The following EIF2AK1 variants were observed in gnomAD, a reference collection of about 807,000 sequenced individuals.
EIF2AK1 encodes the protein eukaryotic translation initiation factor 2-alpha kinase 1.
A neutral mutation model predicts 77.9 loss-of-function variants in EIF2AK1; 54 were observed. That is an observed-to-expected ratio of 0.69 (90% CI 0.56 to 0.87). The LOEUF (loss-of-function observed/expected upper bound fraction) is 0.87, where lower values mean the gene tolerates loss of function less well. EIF2AK1 is among the 40% of genes least tolerant of loss of function. The pLI is 0.00. For synonymous variants in EIF2AK1, 314 were observed against 290.5 expected (o/e 1.08, Z -0.82); for missense variants, 810 against 768.6 (o/e 1.05, Z -0.64).
intron 2 of EIF2AK1, among the ~76,000 whole-genome samples, chr7:6,052,543 A>G (rs1310155922): frequency 2.0e-5 from 3 of 150,538 alleles, no homozygotes; most frequent in South Asian, 4.2e-4. Context: ...ATTCAGTTTT[A>G]AGACCACATA....
intron 10 of EIF2AK1, 58 bp from the exon 11 acceptor site, chr7:6,037,582 T>C: frequency 9.9e-7 from 1 of 1,008,000 alleles, no homozygotes; most frequent in Non-Finnish European, 1.5e-6. Context: ...TACATGGGCA[T>C]CTAAATATTA....
At chr7:6,026,396 G>C (rs1235590173) in intron 14 of EIF2AK1, 3 of 519,088 alleles carry the variant, frequency 5.8e-6, no homozygotes, top group Non-Finnish European at 1.1e-5. Flanking sequence ...GCCTTTCCGG[G>C]AAGGAGTCTC....
chr7:6,031,368 T>G, intron 11 of EIF2AK1: 1 of 1,550,150 alleles, frequency 6.5e-7, no homozygotes, highest in South Asian at 1.2e-5. Context: ...AAGTCTTAAG[T>G]TTTTCTCATG....
rs1230422324 is a variant in EIF2AK1, at chr7:6,024,535, G to A, written c.*138C>T. 12 of 1,467,854 alleles carry A rather than the reference G, an allele frequency of 8.2e-6. No individual in the cohort carries two copies. In the East Asian group the frequency reaches 1.3e-4, roughly 15 times the overall value. The allele number at this position is 1,467,854 out of a possible 1,614,324, so 90.9% of individuals were successfully genotyped here. A position where few individuals can be genotyped will look rare whatever the true frequency, so the allele number is the denominator to read the frequency against. ...CTTGTGGGGCAGGAAGGGAAGGAAC[G>A]GCAGCTTGGGGCACTCTGACATCTT... On this transcript the variant is annotated 3_prime_UTR_variant, in exon 15 of 15. Coordinates refer to ENST00000199389, the MANE Select transcript of EIF2AK1 (RefSeq NM_014413.4).
chr7:6,059,103 G>A lies in EIF2AK1; in HGVS notation c.-20C>T, dbSNP rs929555104. ...CTGCATCGCCGGCCGCGCGCGGGCC[G>A]CAGCCCAGCCCGCCGGCCAGCCCAG... On this transcript the variant is annotated 5_prime_UTR_variant, in exon 1 of 15. Transcript: ENST00000199389. 22 of 1,357,564 alleles carry A rather than the reference G, an allele frequency of 1.6e-5. No individual in the cohort carries two copies. Among genetic ancestry groups the A allele is most frequent in the Middle Eastern group, 2.4e-4 (1 of 4,122 alleles). 84.1% of individuals were successfully genotyped at this position (1,357,564 alleles called of 1,614,324 possible).
Position 6,032,843 on chromosome 7 carries a change from CAG to C in EIF2AK1, c.1333-3813_1333-3812del. Reference sequence around the variant, plus strand: ...TGTTTTGTTTTCCCTCCAAAGCCGACAGAGTCTATCATCCCCATCCATCTGGC... The same window carrying C: ...TGTTTTGTTTTCCCTCCAAAGCCGACAGTCTATCATCCCCATCCATCTGGC... On this transcript the variant is annotated intron_variant, in intron 11 of 14. Coordinates refer to ENST00000199389, the MANE Select transcript of EIF2AK1 (RefSeq NM_014413.4). The surrounding 1 kb of genome is among the most constrained non-coding windows in gnomAD (Gnocchi z 4.3). The C allele has an allele frequency of 6.4e-7, 1 of 1,550,826 alleles. No homozygotes were observed. The highest frequency in any genetic ancestry group is 8.7e-7 in the Non-Finnish European group (1 of 1,146,872).
chr7:6,049,490 C>T (rs545886123), intron 3 of EIF2AK1, among the ~76,000 whole-genome samples: 1 of 152,294 alleles, frequency 6.6e-6, no homozygotes, highest in East Asian at 1.9e-4. Flanking sequence ...TTGCAATGAG[C>T]CAAGATTGCG....
chr7:6,040,155 C>T (rs1451262224), intron 9 of EIF2AK1, among the ~76,000 whole-genome samples: 3 of 151,882 alleles, frequency 2.0e-5, no homozygotes, highest in South Asian at 4.2e-4. Flanking sequence ...CGGGTTCAAG[C>T]GATTCTCCTG....
chr7:6,042,040 TC>T (rs1788314060), intron 8 of EIF2AK1, among the ~76,000 whole-genome samples: 1 of 152,058 alleles, frequency 6.6e-6, no homozygotes, highest in Non-Finnish European at 1.5e-5. Flanking sequence ...TCCCAGCTAC[TC>T]AGGCAGCTAA....
chr7:6,051,914 T>C (rs1788616421), intron 2 of EIF2AK1, among the ~76,000 whole-genome samples: 1 of 152,126 alleles, frequency 6.6e-6, no homozygotes, highest in South Asian at 2.1e-4. Flanking sequence ...GGCTCACACC[T>C]GTAATCCCAG....
intron 1 of EIF2AK1, among the ~76,000 whole-genome samples, chr7:6,055,982 CAAAA>C (rs755531680): frequency 8.3e-5 from 2 of 23,984 alleles, no homozygotes; most frequent in Non-Finnish European, 1.4e-4. Flanking sequence ...AACTCTGTCT[CAAAA>C]AAAAAAAAAA....
rs1289654739 is a variant in EIF2AK1, at chr7:6,033,377, A to G, written c.1332+4047T>C. On this transcript the variant is annotated intron_variant, in intron 11 of 14. Coordinates refer to ENST00000199389, the MANE Select transcript of EIF2AK1 (RefSeq NM_014413.4). The surrounding 1 kb of genome is among the most constrained non-coding windows in gnomAD (Gnocchi z 4.4). ...ACTTGTTCGTTCTTATGAATGAACCAATGTCTTTACTGAGTAGATGAGATA... is the reference window on the plus strand; with the variant it reads ...ACTTGTTCGTTCTTATGAATGAACCGATGTCTTTACTGAGTAGATGAGATA... Among the ~76,000 whole-genome samples, 3 of 152,296 alleles carry G rather than the reference A, an allele frequency of 2.0e-5. No individual in the cohort carries two copies. Among genetic ancestry groups the G allele is most frequent in the South Asian group, 2.1e-4 (1 of 4,826 alleles).
At chr7:6,050,979 A>C (rs1788593618) in intron 2 of EIF2AK1, among the ~76,000 whole-genome samples, 1 of 152,172 alleles carries the variant, frequency 6.6e-6, no homozygotes, top group African/African-American at 2.4e-5. Context: ...ATTTCTAAAA[A>C]AAGGGCAAAC....
intron 9 of EIF2AK1, among the ~76,000 whole-genome samples, chr7:6,040,190 T>C (rs1176524888): frequency 5.9e-5 from 9 of 152,050 alleles, no homozygotes; most frequent in Admixed American, 5.9e-4. Flanking sequence ...GTAGCTGGGA[T>C]TACAGGCGCA....
intron 14 of EIF2AK1, among the ~76,000 whole-genome samples, chr7:6,025,357 T>C (rs1275705517): frequency 6.7e-6 from 1 of 149,700 alleles, no homozygotes; most frequent in Non-Finnish European, 1.5e-5. Flanking sequence ...AGATGGGGTT[T>C]TACCATGTTG....
chr7:6,028,148 G>C lies in EIF2AK1; in HGVS notation c.1530+467C>G, dbSNP rs1209041107. ...TAGGCAACACAGAGTCTACTGAAAA[G>C]TGAGGTTTCTTCTTAGGACAGTTTG... is the stretch of plus-strand genomic sequence containing the variant. On this transcript the variant is annotated intron_variant, in intron 13 of 14. Coordinates refer to ENST00000199389, the MANE Select transcript of EIF2AK1 (RefSeq NM_014413.4). 4 of 331,530 alleles carry C rather than the reference G, an allele frequency of 1.2e-5. No individual in the cohort carries two copies. The Admixed American group carries it at 1.3e-4, about 11-fold the overall frequency. The allele number at this position is 331,530 out of a possible 1,614,324, so 20.5% of individuals were successfully genotyped here.
At chr7:6,058,945 C>T (rs1311567844) in intron 1 of EIF2AK1, 21 bp downstream of exon 1, 4 of 1,504,308 alleles carry the variant, frequency 2.7e-6, no homozygotes, top group Admixed American at 2.2e-5. Context: ...AGAGCGGCGA[C>T]GCCGCGATCC....
intron 7 of EIF2AK1, among the ~76,000 whole-genome samples, 164 bp downstream of exon 7, chr7:6,044,398 G>A (rs1788388544): frequency 6.6e-6 from 1 of 151,860 alleles, no homozygotes; most frequent in South Asian, 2.1e-4. Context: ...GTGAACCCAG[G>A]AGGCGGAGCA....
chr7:6,055,105 G>C (rs1788712390), intron 1 of EIF2AK1, among the ~76,000 whole-genome samples: 1 of 152,132 alleles, frequency 6.6e-6, no homozygotes, highest in Admixed American at 6.6e-5. Flanking sequence ...CACTTTGGGA[G>C]GCTGAGGCCA....
Sources: allele counts gnomAD v4.1 joint callset (sites outside exome capture counted in the v4.1 genomes callset), GRCh38; gene constraint gnomAD v4.1.1; non-coding constraint Gnocchi (gnomAD v3.1); transcripts MANE v1.5; gene names NCBI Gene and HGNC (gene_info 2026-07-23, HGNC 2026-07-21).